MED12L: variants seen among roughly 807,000 people sequenced by gnomAD.
The protein encoded by MED12L is mediator of RNA polymerase II transcription subunit 12-like protein.
A neutral mutation model predicts 281.3 loss-of-function variants in MED12L; 60 were observed. The observed-to-expected ratio is 0.21, with a 90% CI of 0.17 to 0.26. The LOEUF (loss-of-function observed/expected upper bound fraction) is 0.26, where lower values mean the gene tolerates loss of function less well. Ranked by LOEUF, MED12L falls within the 10% of genes least tolerant of loss-of-function variation. The pLI is 1.00. For missense variants in MED12L, 2,146 were observed against 2,680.9 expected (o/e 0.80, Z 4.41); for synonymous variants, 974 against 987.2 (o/e 0.99, Z 0.25).
intron 2 of MED12L, among the ~76,000 whole-genome samples, chr3:151,115,301 A>G (rs1182309006): frequency 6.7e-6 from 1 of 149,350 alleles, no homozygotes; most frequent in Non-Finnish European, 1.5e-5. Flanking sequence ...ATGGAGAAAC[A>G]AACTGTGGGC....
intron 43 of MED12L, among the ~76,000 whole-genome samples, chr3:151,418,945 G>GT (rs1196397628): frequency 6.6e-6 from 1 of 152,088 alleles, no homozygotes; most frequent in Non-Finnish European, 1.5e-5. Flanking sequence ...AATGTGTAAT[G>GT]ATCAAATAAG....
intron 16 of MED12L, among the ~76,000 whole-genome samples, chr3:151,322,561 C>T (rs1749116531): frequency 6.6e-6 from 1 of 152,094 alleles, no homozygotes; most frequent in Admixed American, 6.6e-5. Flanking sequence ...TCTACTTCCT[C>T]ACTTCCCATT....
intron 44 of MED12L, among the ~76,000 whole-genome samples, chr3:151,431,851 G>A (rs1038571763): frequency 6.6e-6 from 1 of 152,192 alleles, no homozygotes; most frequent in Non-Finnish European, 1.5e-5. Flanking sequence ...AACCCACCCT[G>A]TGAGATTATG....
chr3:151,404,021 A>G (rs78417595), intron 39 of MED12L, among the ~76,000 whole-genome samples: 8 of 152,290 alleles, frequency 5.3e-5, no homozygotes, highest in African/African-American at 1.9e-4. Flanking sequence ...TATGTTTGCT[A>G]TAGGGCATTG....
intron 42 of MED12L, among the ~76,000 whole-genome samples, chr3:151,415,617 A>AT (rs1320698091): frequency 6.6e-6 from 1 of 152,258 alleles, no homozygotes; most frequent in African/African-American, 2.4e-5. Context: ...GACTGTCATC[A>AT]TTATCAGGAT....
intron 16 of MED12L, among the ~76,000 whole-genome samples, chr3:151,308,923 C>T (rs552288339): frequency 6.6e-5 from 10 of 152,256 alleles, no homozygotes; most frequent in African/African-American, 2.4e-4. Flanking sequence ...ACTTCAATTT[C>T]ATCACTTGTC....
rs1286590361 is a variant in MED12L at position 151,243,374 on chromosome 3, G to T, written c.2250+49708G>T. The stretch of plus-strand genomic sequence containing the variant: ...TTAAGGGCAGCCAGAGAGAAAGGTC[G>T]GGTTACCCTCAAAGGGAAGCCCATC... On this transcript the variant is annotated intron_variant, in intron 16 of 44. Coordinates refer to ENST00000687756, the MANE Select transcript of MED12L (RefSeq NM_001393769.1). Among the ~76,000 whole-genome samples, 182 of 147,264 alleles carry T rather than the reference G, an allele frequency of 1.2e-3. 2 individuals carry two copies. The highest frequency in any genetic ancestry group is 4.3e-3 in the African/African-American group (170 of 39,438).
chr3:151,198,663 CA>C, intron 16 of MED12L: 6 of 1,614,044 alleles, frequency 3.7e-6, no homozygotes, highest in Non-Finnish European at 5.1e-6. Context: ...GGGATTCGGA[CA>C]ATGTGGTAAG....
chr3:151,202,378 A>G (rs940518518), intron 16 of MED12L, among the ~76,000 whole-genome samples: 17 of 152,236 alleles, frequency 1.1e-4, no homozygotes, highest in Non-Finnish European at 2.1e-4. Context: ...TGCTTAGAAA[A>G]TAAATAAACT....
intron 16 of MED12L, among the ~76,000 whole-genome samples, chr3:151,296,001 A>G (rs1251354527): frequency 6.6e-6 from 1 of 152,206 alleles, no homozygotes; most frequent in Non-Finnish European, 1.5e-5. Context: ...ATTAAAATGC[A>G]TTTGTATAGT....
At chr3:151,419,034 T>G (rs1056546886) in intron 43 of MED12L, among the ~76,000 whole-genome samples, 19 of 152,234 alleles carry the variant, frequency 1.2e-4, no homozygotes, top group African/African-American at 4.6e-4. Context: ...TTTCTTTGTA[T>G]TCCACTTCTA....
intron 16 of MED12L, chr3:151,336,456 T>C: frequency 2.2e-6 from 1 of 452,140 alleles, no homozygotes; most frequent in Non-Finnish European, 4.4e-6. Flanking sequence ...TAAAGTTCAG[T>C]GAACTTTATA....
chr3:151,336,997 A>G (rs986220635), intron 16 of MED12L: 1 of 152,350 alleles, frequency 6.6e-6, no homozygotes, highest in Non-Finnish European at 1.5e-5. Context: ...AATGTTCATT[A>G]ACCTAATTAG....
chr3:151,149,082 TG>T (rs1227211262), intron 5 of MED12L, among the ~76,000 whole-genome samples: 1 of 152,196 alleles, frequency 6.6e-6, no homozygotes, highest in Non-Finnish European at 1.5e-5. Flanking sequence ...GAACTTGATT[TG>T]GTAGTTATTT....
At chr3:151,251,446 G>A (rs1038408861) in intron 16 of MED12L, among the ~76,000 whole-genome samples, 4 of 151,154 alleles carry the variant, frequency 2.6e-5, no homozygotes, top group South Asian at 2.1e-4. Flanking sequence ...GTCATTTTTT[G>A]TCTGTGTTCC....
intron 2 of MED12L, among the ~76,000 whole-genome samples, chr3:151,089,468 C>T (rs531636080): frequency 6.6e-6 from 1 of 151,812 alleles, no homozygotes; most frequent in Admixed American, 6.6e-5. Context: ...GTTGCATAGC[C>T]TCTCATTTGT....
intron 16 of MED12L, among the ~76,000 whole-genome samples, chr3:151,208,576 G>A (rs994970732): frequency 6.6e-6 from 1 of 152,140 alleles, no homozygotes; most frequent in Non-Finnish European, 1.5e-5. Flanking sequence ...CAGCTACTTG[G>A]GAGGCTGAGG....
At chr3:151,384,898 C>A in intron 35 of MED12L, 132 bp from the exon 36 acceptor site, 1 of 660,856 alleles carries the variant, frequency 1.5e-6, no homozygotes. Context: ...AGAACATGTT[C>A]AGGGTTAAAG....
chr3:151,254,045 T>C (rs575609777), intron 16 of MED12L, among the ~76,000 whole-genome samples: 44 of 151,700 alleles, frequency 2.9e-4, no homozygotes, highest in South Asian at 2.5e-3. Flanking sequence ...ATCAAAGTTA[T>C]GCATTTGTGT....
Sources: allele counts gnomAD v4.1 joint callset (sites outside exome capture counted in the v4.1 genomes callset), GRCh38; gene constraint gnomAD v4.1.1; transcripts MANE v1.5; gene names NCBI Gene and HGNC (gene_info 2026-07-23, HGNC 2026-07-21).